XKR3: variants seen among roughly 807,000 people sequenced by gnomAD.
XKR3 encodes the protein XK-related protein 3.
A neutral mutation model predicts 40.3 loss-of-function variants in XKR3; 27 were observed. The observed-to-expected ratio is 0.67, with a 90% CI of 0.49 to 0.92. XKR3 has a LOEUF of 0.92. XKR3 is among the 40% of genes least tolerant of loss of function. The pLI, the probability that XKR3 is intolerant of heterozygous loss-of-function variation, is 0.00. For synonymous variants in XKR3, 193 were observed against 195.4 expected (o/e 0.99, Z 0.10); for missense variants, 472 against 537.6 (o/e 0.88, Z 1.21).
intron 1 of XKR3, among the ~76,000 whole-genome samples, chr22:16,811,906 G>A (rs971567456): frequency 1.3e-5 from 2 of 152,136 alleles, no homozygotes; most frequent in African/African-American, 2.4e-5. Flanking sequence ...CTACTCAGGA[G>A]GCTGAGGCAG....
intron 2 of XKR3, among the ~76,000 whole-genome samples, chr22:16,806,835 T>C (rs1390746996): frequency 3.3e-5 from 5 of 152,030 alleles, no homozygotes. Flanking sequence ...TGTAAATCCA[T>C]GATGCAAGAA....
At chr22:16,821,636 T>C (rs1260273115) in intron 1 of XKR3, 2 of 152,068 alleles carry the variant, frequency 1.3e-5, no homozygotes, top group African/African-American at 4.8e-5. Context: ...TTGATGCTAA[T>C]ACAAGAGACA....
chr22:16,800,854 G>A (rs1463693747), intron 2 of XKR3, among the ~76,000 whole-genome samples: 1 of 152,036 alleles, frequency 6.6e-6, no homozygotes, highest in Non-Finnish European at 1.5e-5. Flanking sequence ...AGAAATAATG[G>A]AGTACTTCAG....
chr22:16,794,041 GGT>G (rs2060131067), intron 3 of XKR3, among the ~76,000 whole-genome samples: 1 of 151,990 alleles, frequency 6.6e-6, no homozygotes, highest in Admixed American at 6.6e-5. Flanking sequence ...AGAAATATGG[GGT>G]TACGTAAAGC....
chr22:16,809,693 C>A (rs2060204936), intron 1 of XKR3, among the ~76,000 whole-genome samples: 1 of 152,192 alleles, frequency 6.6e-6, no homozygotes, highest in African/African-American at 2.4e-5. Context: ...CTTTCATCCC[C>A]AACGGTCCAC....
chr22:16,792,506 G>A (rs2060124575), intron 3 of XKR3, among the ~76,000 whole-genome samples: 1 of 152,152 alleles, frequency 6.6e-6, no homozygotes, highest in South Asian at 2.1e-4. Context: ...TATAGTTATA[G>A]GTTTATTCAG....
intron 3 of XKR3, among the ~76,000 whole-genome samples, chr22:16,796,729 T>C (rs1018177234): frequency 2.4e-4 from 37 of 152,304 alleles, no homozygotes; most frequent in Admixed American, 7.2e-4. Context: ...GCCAACATCA[T>C]ACTGAATGGG....
rs886666709 is a variant in XKR3, at chr22:16,785,065, C to A, written c.590-656G>T. On this transcript the variant is annotated intron_variant, in intron 3 of 3. Transcript: ENST00000684488. ...GGGCGCGGTGGCTCACGCCTGTAATCCCAGCACTTTAGGAGGCCGAGGCGG... is the reference window on the plus strand; with the variant it reads ...GGGCGCGGTGGCTCACGCCTGTAATACCAGCACTTTAGGAGGCCGAGGCGG... Among the ~76,000 whole-genome samples the A allele has an allele frequency of 3.2e-4, 48 of 152,296 alleles. 1 individual carries two copies. Among genetic ancestry groups the A allele is most frequent in the African/African-American group, 1.1e-3 (46 of 41,556 alleles).
chr22:16,801,268 G>T (rs1271126706), intron 2 of XKR3, among the ~76,000 whole-genome samples: 1 of 149,934 alleles, frequency 6.7e-6, no homozygotes, highest in Non-Finnish European at 1.5e-5. Context: ...GTGTGGCCAG[G>T]TTCACTGGCT....
intron 3 of XKR3, among the ~76,000 whole-genome samples, chr22:16,790,384 A>C (rs2146143543): frequency 6.6e-6 from 1 of 150,796 alleles, no homozygotes; most frequent in African/African-American, 2.4e-5. Context: ...GAGAGCAAAT[A>C]TTTGCAAATT....
chr22:16,824,731 G>A (rs1300421731), intron 1 of XKR3, among the ~76,000 whole-genome samples: 3 of 152,122 alleles, frequency 2.0e-5, no homozygotes, highest in African/African-American at 4.8e-5. Flanking sequence ...GCACCTTTCT[G>A]GCTGCCCCAA....
At chr22:16,810,859 G>C (rs2060209570) in intron 1 of XKR3, among the ~76,000 whole-genome samples, 1 of 152,016 alleles carries the variant, frequency 6.6e-6, no homozygotes, top group African/African-American at 2.4e-5. Context: ...TACAACCTCA[G>C]AGGTTCTGCT....
Position 16,825,364 on chromosome 22 carries a change from C to A in XKR3, c.-84G>T, listed in dbSNP as rs1469539258. The stretch of plus-strand genomic sequence containing the variant: ...ATGCTTTTGTTCACCTCTTTAACAG[C>A]ACCATTTCTGGTCTCGTTTTCAACA... On this transcript the variant is annotated 5_prime_UTR_variant, in exon 1 of 4. Coordinates refer to ENST00000684488, the MANE Select transcript of XKR3 (RefSeq NM_001386955.1). Among the ~76,000 whole-genome samples, 1 of 152,220 alleles carries A rather than the reference C, an allele frequency of 6.6e-6. No homozygotes were observed. Among genetic ancestry groups the A allele is most frequent in the Non-Finnish European group, 1.5e-5 (1 of 68,040 alleles).
chr22:16,814,887 T>C (rs2146176133), intron 1 of XKR3, among the ~76,000 whole-genome samples: 1 of 152,168 alleles, frequency 6.6e-6, no homozygotes, highest in Middle Eastern at 3.4e-3. Context: ...TCATGTCATC[T>C]GCAAACAGAG....
At chr22:16,808,551 C>A (rs1475738789) in intron 1 of XKR3, among the ~76,000 whole-genome samples, 1 of 152,108 alleles carries the variant, frequency 6.6e-6, no homozygotes, top group Non-Finnish European at 1.5e-5. Flanking sequence ...AATAGTGAGG[C>A]CTTTAAGTTC....
At chr22:16,793,385 T>C (rs1363925217) in intron 3 of XKR3, among the ~76,000 whole-genome samples, 1 of 152,258 alleles carries the variant, frequency 6.6e-6, no homozygotes, top group Non-Finnish European at 1.5e-5. Context: ...ATGTTCAATG[T>C]ACACTTACAT....
rs375270802 is a variant in XKR3, at chr22:16,814,929, T to A, written c.-10-6846A>T. On this transcript the variant is annotated intron_variant, in intron 1 of 3. Transcript: ENST00000684488. ...TCACTTTTTTCCTTTCCAATTTAGA[T>A]GGCTTTTTTTTTTTAATTTTCTTGC... 1.9e-3 allele frequency among the ~76,000 whole-genome samples: 291 copies of A among 151,964 alleles called. 2 individuals carry two copies. Among genetic ancestry groups the A allele is most frequent in the South Asian group, 0.011 (53 of 4,826 alleles).
At chr22:16,810,767 A>G (rs1278504261) in intron 1 of XKR3, among the ~76,000 whole-genome samples, 6 of 152,214 alleles carry the variant, frequency 3.9e-5, no homozygotes, top group Non-Finnish European at 8.8e-5. Flanking sequence ...TAATGTAACA[A>G]AAACACATAA....
chr22:16,800,517 A>G (rs1369232842), intron 2 of XKR3, among the ~76,000 whole-genome samples: 2 of 152,198 alleles, frequency 1.3e-5, no homozygotes, highest in African/African-American at 2.4e-5. Flanking sequence ...TCATTGGAAC[A>G]TATTTTGACT....
Sources: gnomAD v4.1 joint callset for allele counts (sites outside exome capture counted in the v4.1 genomes callset) on GRCh38, gnomAD v4.1.1 for gene constraint, MANE v1.5 for transcripts, NCBI Gene and HGNC (gene_info 2026-07-23, HGNC 2026-07-21) for gene names.